MEIS2: variants seen among roughly 807,000 people sequenced by gnomAD.
MEIS2 encodes the protein homeobox protein Meis2.
In MEIS2, 9 loss-of-function variants were observed where a neutral mutation model predicts 58.6. The ratio of observed to expected loss-of-function variants is 0.15; its 90% confidence interval spans 0.09 to 0.27. The LOEUF (loss-of-function observed/expected upper bound fraction) is 0.27. MEIS2 is among the 10% of genes least tolerant of loss of function. MEIS2 has a pLI of 1.00. For missense variants in MEIS2, 427 were observed against 635.0 expected (o/e 0.67, Z 3.52); for synonymous variants, 221 against 228.4 (o/e 0.97, Z 0.29).
intron 8 of MEIS2, among the ~76,000 whole-genome samples, chr15:37,035,276 A>G (rs909792423): frequency 6.6e-6 from 1 of 152,192 alleles, no homozygotes; most frequent in Non-Finnish European, 1.5e-5. Context: ...AGGTTAGTAA[A>G]TCTCCAGCTG....
chr15:37,069,665 G>C (rs76671272), intron 7 of MEIS2, among the ~76,000 whole-genome samples: 1 of 152,278 alleles, frequency 6.6e-6, no homozygotes, highest in East Asian at 1.9e-4. Context: ...TGTAATTCTA[G>C]ACCTCCTGAA....
chr15:36,971,161 G>C (rs2059543540), intron 8 of MEIS2, among the ~76,000 whole-genome samples: 2 of 151,944 alleles, frequency 1.3e-5, no homozygotes, highest in African/African-American at 2.4e-5. Context: ...CAGGAAAAAG[G>C]AATAATCAGA....
rs550523451 is a variant in MEIS2 at position 36,999,295 on chromosome 15, T to G, written c.900+37519A>C. Among the ~76,000 whole-genome samples the G allele has an allele frequency of 7.9e-5, 12 of 152,344 alleles. No homozygotes were observed. In the South Asian group the frequency reaches 2.5e-3, roughly 32 times the overall value. Reference sequence around the variant, plus strand: ...CTGGGCATACAGCAAGGAACCAAACTGACATGGTCATCACGACAACCTTGT... The same window carrying G: ...CTGGGCATACAGCAAGGAACCAAACGGACATGGTCATCACGACAACCTTGT... On this transcript the variant is annotated intron_variant, in intron 8 of 11. Transcript: ENST00000561208.
At chr15:36,979,188 A>T (rs565493782) in intron 8 of MEIS2, among the ~76,000 whole-genome samples, 12 of 152,332 alleles carry the variant, frequency 7.9e-5, no homozygotes, top group African/African-American at 2.9e-4. Flanking sequence ...TGTTTTGTAC[A>T]TAAAATTATT....
In MEIS2 at chr15:36,892,057, T is replaced by TA. The variant is rs1291726955; in HGVS notation, c.*115dup. 4 of 1,171,474 alleles carry TA rather than the reference T, an allele frequency of 3.4e-6. No individual in the cohort carries two copies. In the African/African-American group the frequency reaches 4.6e-5, roughly 14 times the overall value. 72.6% of individuals were successfully genotyped at this position (1,171,474 alleles called of 1,614,324 possible). A position where few individuals can be genotyped will look rare whatever the true frequency, so the allele number is the denominator to read the frequency against. On this transcript the variant is annotated 3_prime_UTR_variant, in exon 12 of 12. Coordinates refer to ENST00000561208, the MANE Select transcript of MEIS2 (RefSeq NM_170675.5). ...GTTGCTTGATGAAAAATGACAAAAGTAAAAAATAATCACAGCTGTCTGGAA... is the reference window on the plus strand; with the variant it reads ...GTTGCTTGATGAAAAATGACAAAAGTAAAAAAATAATCACAGCTGTCTGGAA...
At chr15:36,899,781 C>G (rs920227534) in intron 9 of MEIS2, among the ~76,000 whole-genome samples, 4 of 152,044 alleles carry the variant, frequency 2.6e-5, no homozygotes, top group African/African-American at 9.7e-5. Flanking sequence ...ATTAAATGGG[C>G]CTTATAAAAT....
intron 8 of MEIS2, among the ~76,000 whole-genome samples, chr15:36,979,700 A>T (rs2059869659): frequency 1.4e-5 from 2 of 147,254 alleles, no homozygotes; most frequent in African/African-American, 4.9e-5. Context: ...AATATATAAA[A>T]ATATATATAA....
chr15:36,922,467 T>A (rs77066082), intron 9 of MEIS2, among the ~76,000 whole-genome samples: 1 of 116,586 alleles, frequency 8.6e-6, no homozygotes, highest in South Asian at 2.6e-4. Context: ...ACTAAGATCC[T>A]TTTTTTTTTT....
intron 8 of MEIS2, among the ~76,000 whole-genome samples, chr15:36,960,610 A>C (rs924966946): frequency 3.9e-5 from 6 of 152,160 alleles, no homozygotes; most frequent in Non-Finnish European, 2.9e-5. Flanking sequence ...TGAAAGGTTC[A>C]GAACTACTTT....
intron 8 of MEIS2, among the ~76,000 whole-genome samples, chr15:36,981,115 T>C (rs2059915813): frequency 6.6e-6 from 1 of 152,124 alleles, no homozygotes; most frequent in African/African-American, 2.4e-5. Flanking sequence ...TTTTCTTTTA[T>C]GTTCCACAAT....
At chr15:36,944,060 G>C (rs1755496940) in intron 9 of MEIS2, among the ~76,000 whole-genome samples, 1 of 152,028 alleles carries the variant, frequency 6.6e-6, no homozygotes, top group Non-Finnish European at 1.5e-5. Context: ...AATACATCCA[G>C]TGTTCGGCTC....
At chr15:37,097,878 A>T in intron 2 of MEIS2, 89 bp downstream of exon 2, 1 of 1,463,598 alleles carries the variant, frequency 6.8e-7, no homozygotes. Context: ...GTAACTCCCC[A>T]CTTAGTCGTC....
At chr15:36,909,231 T>A (rs909223562) in intron 9 of MEIS2, among the ~76,000 whole-genome samples, 3 of 152,076 alleles carry the variant, frequency 2.0e-5, no homozygotes, top group Non-Finnish European at 2.9e-5. Flanking sequence ...ACTTCCTCAG[T>A]GGCACCGAGC....
chr15:37,027,388 T>C (rs2061742688), intron 8 of MEIS2, among the ~76,000 whole-genome samples: 1 of 152,220 alleles, frequency 6.6e-6, no homozygotes, highest in Admixed American at 6.5e-5. Flanking sequence ...CAACTTACCC[T>C]GTAATTCCCA....
intron 7 of MEIS2, among the ~76,000 whole-genome samples, chr15:37,067,371 C>T (rs1407457330): frequency 2.0e-5 from 3 of 151,968 alleles, no homozygotes; most frequent in Admixed American, 6.6e-5. Flanking sequence ...TGCCTTCCAC[C>T]AAATTCCTTT....
At chr15:37,058,772 C>T (rs1888794991) in intron 7 of MEIS2, among the ~76,000 whole-genome samples, 1 of 152,198 alleles carries the variant, frequency 6.6e-6, no homozygotes, top group Non-Finnish European at 1.5e-5. Context: ...CAAGATTCCA[C>T]CACTTTTACT....
chr15:36,978,667 T>C (rs759251648), intron 8 of MEIS2, among the ~76,000 whole-genome samples: 46 of 152,322 alleles, frequency 3.0e-4, no homozygotes, highest in South Asian at 1.2e-3. Context: ...TCCCAAAACT[T>C]TTTCTTTCCA....
At chr15:36,969,930 T>A (rs957347016) in intron 8 of MEIS2, among the ~76,000 whole-genome samples, 6 of 152,048 alleles carry the variant, frequency 3.9e-5, no homozygotes, top group African/African-American at 1.4e-4. Flanking sequence ...AGTACAGATA[T>A]AAGAAAACTA....
intron 8 of MEIS2, among the ~76,000 whole-genome samples, chr15:36,975,470 T>G (rs1040426732): frequency 7.2e-4 from 3 of 4,194 alleles, no homozygotes; most frequent in African/African-American, 1.2e-3. Flanking sequence ...AAAATAAGGG[T>G]TTTTTTTTTT....
Sources: gnomAD v4.1 joint callset for allele counts (sites outside exome capture counted in the v4.1 genomes callset) on GRCh38, gnomAD v4.1.1 for gene constraint, MANE v1.5 for transcripts, NCBI Gene and HGNC (gene_info 2026-07-23, HGNC 2026-07-21) for gene names.